SRD5A2: variants seen among roughly 807,000 people sequenced by gnomAD.
The protein encoded by SRD5A2 is 3-oxo-5-alpha-steroid 4-dehydrogenase 2.
Under a neutral mutation model 27.4 loss-of-function variants are expected in SRD5A2, and 30 were observed. That is an observed-to-expected ratio of 1.10 (90% CI 0.82 to 1.49). The LOEUF (loss-of-function observed/expected upper bound fraction) is 1.49. SRD5A2 is among the 40% of genes most tolerant of loss of function. The pLI, the probability that SRD5A2 is intolerant of heterozygous loss-of-function variation, is 0.00. For missense variants in SRD5A2, 348 were observed against 323.4 expected (o/e 1.08, Z -0.58); for synonymous variants, 141 against 133.6 (o/e 1.06, Z -0.38).
chr2:31,537,668 A>G (rs371190106), intron 1 of SRD5A2, among the ~76,000 whole-genome samples: 28 of 152,250 alleles, frequency 1.8e-4, no homozygotes, highest in African/African-American at 6.7e-4. Flanking sequence ...GTCTCTGTCT[A>G]TGTGATCACA....
chr2:31,647,500 T>G, the SRD5A2 span, among the ~76,000 whole-genome samples: 1 of 152,370 alleles, frequency 6.6e-6, no homozygotes, highest in East Asian at 1.9e-4. Context: ...TATGGTGGTT[T>G]GTCATTTGCT....
At chr2:31,597,793 C>T in the SRD5A2 span, among the ~76,000 whole-genome samples, 2 of 151,940 alleles carry the variant, frequency 1.3e-5, no homozygotes, top group Non-Finnish European at 2.9e-5. Context: ...ATTTAAAAAT[C>T]AAAAAATAAT....
At chr2:31,538,470 G>C (rs138801036) in intron 1 of SRD5A2, among the ~76,000 whole-genome samples, 1 of 152,122 alleles carries the variant, frequency 6.6e-6, no homozygotes, top group Non-Finnish European at 1.5e-5. Flanking sequence ...ATTTGTAAAA[G>C]CCTCCTCATT....
intron 1 of SRD5A2, 53 bp downstream of exon 1, chr2:31,580,567 G>T (rs1356266149): frequency 1.4e-6 from 2 of 1,435,966 alleles, no homozygotes; most frequent in East Asian, 5.0e-5. Context: ...GCTCCTGGAC[G>T]CCGGGAGCAG....
At chr2:31,632,835 A>G in the SRD5A2 span, among the ~76,000 whole-genome samples, 1 of 152,206 alleles carries the variant, frequency 6.6e-6, no homozygotes, top group Non-Finnish European at 1.5e-5. Flanking sequence ...CACTAGAATT[A>G]GGAGAAGGAA....
chr2:31,552,294 C>A (rs1666396317), intron 1 of SRD5A2, among the ~76,000 whole-genome samples: 1 of 151,116 alleles, frequency 6.6e-6, no homozygotes, highest in African/African-American at 2.4e-5. Context: ...GTCAGCCTCT[C>A]CCCAAAGCCA....
chr2:31,587,797 T>C, the SRD5A2 span, among the ~76,000 whole-genome samples: 1 of 151,962 alleles, frequency 6.6e-6, no homozygotes, highest in Non-Finnish European at 1.5e-5. Context: ...ACCAAATGCA[T>C]GTGGGGCTTA....
chr2:31,645,888 C>T, the SRD5A2 span, among the ~76,000 whole-genome samples: 1 of 152,072 alleles, frequency 6.6e-6, no homozygotes, highest in African/African-American at 2.4e-5. Flanking sequence ...AGTATATTCA[C>T]CTGACTACAC....
intron 1 of SRD5A2, among the ~76,000 whole-genome samples, chr2:31,543,307 T>C (rs1358014115): frequency 1.3e-5 from 2 of 152,162 alleles, no homozygotes; most frequent in Non-Finnish European, 2.9e-5. Flanking sequence ...AAGGGAGTCC[T>C]GCAGGTTAAA....
chr2:31,533,914 A>C, intron 1 of SRD5A2, 148 bp from the exon 2 acceptor site: 1 of 849,018 alleles, frequency 1.2e-6, no homozygotes, highest in Non-Finnish European at 1.7e-6. Flanking sequence ...CTTCTCCAGG[A>C]GGATGTATAT....
the SRD5A2 span, among the ~76,000 whole-genome samples, chr2:31,631,306 C>A: frequency 1.3e-5 from 2 of 152,128 alleles, no homozygotes; most frequent in Non-Finnish European, 1.5e-5. Context: ...GGTGGGAAAA[C>A]AGGTGCAGGA....
chr2:31,569,201 T>G (rs1454754017), intron 1 of SRD5A2, among the ~76,000 whole-genome samples: 1 of 152,246 alleles, frequency 6.6e-6, no homozygotes, highest in Non-Finnish European at 1.5e-5. Context: ...CTGCAGCCAC[T>G]CCAGTCAGGC....
intron 1 of SRD5A2, among the ~76,000 whole-genome samples, chr2:31,572,905 T>C (rs1473443461): frequency 6.6e-6 from 1 of 151,958 alleles, no homozygotes; most frequent in Admixed American, 6.5e-5. Flanking sequence ...AAAAAGAAAT[T>C]GAAAGAGGCC....
chr2:31,572,682 GAC>G (rs1359331269), intron 1 of SRD5A2, among the ~76,000 whole-genome samples: 1 of 152,136 alleles, frequency 6.6e-6, no homozygotes, highest in Non-Finnish European at 1.5e-5. Context: ...GACAGCATGA[GAC>G]ACAGAGTTAA....
chr2:31,620,105 T>G, the SRD5A2 span, among the ~76,000 whole-genome samples: 15 of 152,228 alleles, frequency 9.9e-5, no homozygotes, highest in Admixed American at 9.8e-4. Context: ...CATCTTGAGA[T>G]GCAGAAAAGG....
upstream of SRD5A2, among the ~76,000 whole-genome samples, chr2:31,582,007 C>G (rs531257586): frequency 6.6e-6 from 1 of 152,238 alleles, no homozygotes; most frequent in East Asian, 1.9e-4. Flanking sequence ...TTCTTTTCTT[C>G]TCTTCCTTCT....
chr2:31,623,376 C>A, the SRD5A2 span, among the ~76,000 whole-genome samples: 4,662 of 151,906 alleles, frequency 0.031, 125 homozygotes, highest in East Asian at 0.075. Flanking sequence ...ATAACATAAC[C>A]ACATTTACTT....
the SRD5A2 span, among the ~76,000 whole-genome samples, chr2:31,604,355 G>A: frequency 2.0e-5 from 3 of 151,756 alleles, no homozygotes; most frequent in African/African-American, 7.2e-5. Flanking sequence ...ATTTTTGCTT[G>A]CAGATGATAT....
At chr2:31,605,661 A>G in the SRD5A2 span, among the ~76,000 whole-genome samples, 2 of 151,832 alleles carry the variant, frequency 1.3e-5, no homozygotes. Context: ...GCTGGTAAGG[A>G]TATGGAGAAA....
Sources: gnomAD v4.1 joint callset for allele counts (sites outside exome capture counted in the v4.1 genomes callset) on GRCh38, gnomAD v4.1.1 for gene constraint, MANE v1.5 for transcripts, NCBI Gene and HGNC (gene_info 2026-07-23, HGNC 2026-07-21) for gene names.